PRUNE2: variants seen among roughly 807,000 people sequenced by gnomAD.
PRUNE2 encodes protein prune homolog 2.
A neutral mutation model predicts 252.0 loss-of-function variants in PRUNE2; 164 were observed. The ratio of observed to expected loss-of-function variants is 0.65; its 90% CI spans 0.57 to 0.74. The LOEUF is 0.74. PRUNE2 is among the 30% of genes least tolerant of loss of function. The pLI is 0.00. For synonymous variants in PRUNE2, 1,292 were observed against 1,350.2 expected, an observed-to-expected ratio of 0.96 and a Z score of 0.94; for missense variants, 3,495 against 3,711.0, an observed-to-expected ratio of 0.94 and a Z score of 1.51.
intron 6 of PRUNE2, among the ~76,000 whole-genome samples, chr9:76,781,435 G>C (rs1320511202): frequency 6.6e-6 from 1 of 152,154 alleles, no homozygotes; most frequent in Non-Finnish European, 1.5e-5. Flanking sequence ...TCCCACTTCA[G>C]AGCCTTTGCA....
At chr9:76,678,103 C>T (rs978342826) in intron 9 of PRUNE2, among the ~76,000 whole-genome samples, 1 of 152,086 alleles carries the variant, frequency 6.6e-6, no homozygotes, top group African/African-American at 2.4e-5. Flanking sequence ...GGCTTGGGGG[C>T]TCATGCCTGT....
chr9:76,649,226 C>T (rs1846156092), intron 11 of PRUNE2, among the ~76,000 whole-genome samples: 1 of 152,164 alleles, frequency 6.6e-6, no homozygotes, highest in Non-Finnish European at 1.5e-5. Context: ...ATGACCAATG[C>T]CACTTATCTG....
chr9:76,877,519 C>T (rs750700206), intron 1 of PRUNE2, among the ~76,000 whole-genome samples: 65 of 152,090 alleles, frequency 4.3e-4, no homozygotes, highest in Admixed American at 3.1e-3. Flanking sequence ...CACACACACA[C>T]AAAGGAACAG....
In PRUNE2 at chr9:76,756,197, T is replaced by C. The variant is rs139627572; in HGVS notation, c.757-42476A>G. ...AAATCCCCCAACTAATGAGAGGTCA[T>C]GTAAGTGCATATGTCAAAAGGAACT... On this transcript the variant is annotated intron_variant, in intron 6 of 18. Coordinates refer to ENST00000376718, the MANE Select transcript of PRUNE2 (RefSeq NM_015225.3). Among the ~76,000 whole-genome samples the C allele has an allele frequency of 2.8e-3, 422 of 152,354 alleles. 4 individuals carry two copies. The highest frequency in any genetic ancestry group is 9.7e-3 in the African/African-American group (405 of 41,586).
chr9:76,761,085 C>CAAAAAAAAA lies in PRUNE2; in HGVS notation c.757-47373_757-47365dup, dbSNP rs34127776. 3.2e-5 allele frequency among the ~76,000 whole-genome samples: 3 copies of CAAAAAAAAA among 93,692 alleles called. No homozygotes were observed. In the Admixed American group the frequency reaches 3.9e-4, roughly 12 times the overall value. 61.5% of individuals were successfully genotyped at this position (93,692 alleles called of 152,430 possible). The stretch of plus-strand genomic sequence containing the variant: ...TGGGTGACAGACTGAGACTCTGTCT[C>CAAAAAAAAA]AAAAAAAAAAAAAAAAAAATACTCA... On this transcript the variant is annotated intron_variant, in intron 6 of 18. Transcript: ENST00000376718.
At chr9:76,891,952 A>G (rs2062501778) in intron 1 of PRUNE2, among the ~76,000 whole-genome samples, 1 of 152,188 alleles carries the variant, frequency 6.6e-6, no homozygotes. Flanking sequence ...GAAGGGCAAC[A>G]CTGTGCTCCG....
In PRUNE2 at chr9:76,709,937, G is replaced by A. The variant is rs199767340; in HGVS notation, c.2337C>T (p.Pro779=). 1.0e-4 allele frequency: 166 copies of A among 1,613,736 alleles called. 1 individual carries two copies. The highest frequency in any genetic ancestry group is 1.0e-3 in the Admixed American group (61 of 59,996). Residue 779 remains proline (P), a synonymous_variant, in exon 8 of 19, where the codon CCC becomes CCT. Coordinates refer to ENST00000376718, the MANE Select transcript of PRUNE2 (RefSeq NM_015225.3). ...CATCTGTAGGATTTCCCCAGGGCTC[G>A]GGCATGGCTGTGGGAGAGCGACCAG... ...WHSGRSPTAM[P]EPWGNPTDDG... is the part of the protein sequence containing the mutation.
rs1345183984 is a variant in PRUNE2, at chr9:76,708,655, A to C, written c.3619T>G (p.Leu1207Val). The C allele has an allele frequency of 1.2e-6, 2 of 1,613,852 alleles. No individual in the cohort carries two copies. The highest frequency in any genetic ancestry group is 1.1e-5 in the South Asian group (1 of 91,088). The part of the protein sequence containing the change: ...KDSAPSEHHT[L>V]NEKSGQLIAN... ...ATTAGCTGCCCACTTTTCTCATTCAATGTGTGATGTTCACTGGGAGCACTG... is the reference window on the plus strand; with the variant it reads ...ATTAGCTGCCCACTTTTCTCATTCACTGTGTGATGTTCACTGGGAGCACTG... Residue 1207 changes from leucine to valine, a missense_variant, in exon 8 of 19, where the codon TTG becomes GTG. By Grantham distance (32) the Leu-to-Val change is conservative (BLOSUM62 1). Transcript: ENST00000376718.
chr9:76,676,244 T>TAAA (rs57084757), intron 9 of PRUNE2, among the ~76,000 whole-genome samples: 5 of 143,908 alleles, frequency 3.5e-5, no homozygotes, highest in South Asian at 2.2e-4. Flanking sequence ...GTGAAAACAT[T>TAAA]AAAAAAAAAA....
At position 76,651,705 on chromosome 9, in the gene PRUNE2, T is replaced by A. The variant is rs1252886284; in HGVS notation, c.8557+778A>T. Among the ~76,000 whole-genome samples, 3 of 152,204 alleles carry A rather than the reference T, an allele frequency of 2.0e-5. No homozygotes were observed. In the East Asian group the frequency reaches 5.8e-4, roughly 29 times the overall value. On this transcript the variant is annotated intron_variant, in intron 11 of 18. Coordinates refer to ENST00000376718, the MANE Select transcript of PRUNE2 (RefSeq NM_015225.3). ...AAGACTGAAGTTCATATCAGGAGTG[T>A]CAGTCTTGGATGATCTGAAAACTTT...
At chr9:76,872,157 G>C (rs1265453157) in intron 1 of PRUNE2, among the ~76,000 whole-genome samples, 1 of 151,876 alleles carries the variant, frequency 6.6e-6, no homozygotes, top group African/African-American at 2.4e-5. Context: ...CTCCACTGAG[G>C]GTGCAGCATC....
intron 6 of PRUNE2, among the ~76,000 whole-genome samples, chr9:76,812,082 T>C (rs1284464597): frequency 2.0e-5 from 3 of 152,116 alleles, no homozygotes; most frequent in Admixed American, 1.3e-4. Context: ...AACTCACGGG[T>C]ATAGTCCAGG....
Position 76,900,500 on chromosome 9 carries a change from G to A in PRUNE2, c.36+5428C>T, listed in dbSNP as rs150746728. On this transcript the variant is annotated intron_variant, in intron 1 of 18. Transcript: ENST00000376718. ...CTAGAGATTTTGAGTACGCTAATTT[G>A]AGACCCCTAACAGGGTAGCCACGAA... is the stretch of plus-strand genomic sequence containing the variant. Among the ~76,000 whole-genome samples the A allele has an allele frequency of 5.1e-3, 783 of 152,250 alleles. 3 individuals carry two copies. Among genetic ancestry groups the A allele is most frequent in the African/African-American group, 0.017 (708 of 41,538 alleles).
At chr9:76,735,580 GGAA>G (rs1342235930) in intron 6 of PRUNE2, among the ~76,000 whole-genome samples, 1 of 151,944 alleles carries the variant, frequency 6.6e-6, no homozygotes, top group African/African-American at 2.4e-5. Context: ...GGCTGACCAT[GGAA>G]GACTTTAGGA....
chr9:76,656,221 C>T (rs537557256), intron 9 of PRUNE2, among the ~76,000 whole-genome samples: 17 of 151,710 alleles, frequency 1.1e-4, no homozygotes, highest in African/African-American at 3.2e-4. Flanking sequence ...GCAATTGTGA[C>T]GAATCTATAT....
At chr9:76,775,998 G>C (rs780929072) in intron 6 of PRUNE2, among the ~76,000 whole-genome samples, 11 of 152,146 alleles carry the variant, frequency 7.2e-5, no homozygotes, top group Admixed American at 1.3e-4. Flanking sequence ...ATTTGGGAGG[G>C]ATAGGAATAA....
chr9:76,684,291 G>A (rs545303437), intron 9 of PRUNE2, among the ~76,000 whole-genome samples: 25 of 152,126 alleles, frequency 1.6e-4, no homozygotes, highest in South Asian at 4.2e-4. Context: ...CTACATCTAC[G>A]AGTCTGAGGC....
chr9:76,677,079 C>G (rs1255309571), intron 9 of PRUNE2, among the ~76,000 whole-genome samples: 1 of 152,228 alleles, frequency 6.6e-6, no homozygotes, highest in African/African-American at 2.4e-5. Flanking sequence ...TTGGCTGATT[C>G]ATCTTTCGCA....
At chr9:76,681,655 C>T (rs989080603) in intron 9 of PRUNE2, among the ~76,000 whole-genome samples, 1 of 152,110 alleles carries the variant, frequency 6.6e-6, no homozygotes, top group African/African-American at 2.4e-5. Context: ...ACAGCTGATG[C>T]TTCCACCACT....
Sources: allele counts gnomAD v4.1 joint callset (sites outside exome capture counted in the v4.1 genomes callset), GRCh38; gene constraint gnomAD v4.1.1; transcripts MANE v1.5; gene names NCBI Gene and HGNC (gene_info 2026-07-23, HGNC 2026-07-21).